Variants in ME1 observed in about 807,000 individuals in gnomAD.
ME1 encodes the protein malic enzyme 1.
In ME1, 74 loss-of-function variants were observed where a neutral mutation model predicts 66.4. The observed-to-expected ratio is 1.11, with a 90% CI of 0.92 to 1.35. The LOEUF is 1.35. Ranked by LOEUF, ME1 falls within the 40% of genes most tolerant of loss-of-function variation. ME1 has a pLI of 0.00. For synonymous variants in ME1, 251 were observed against 235.6 expected (o/e 1.07, Z -0.60); for missense variants, 750 against 694.1 (o/e 1.08, Z -0.90).
chr6:83,228,395 G>A (rs2128524011), intron 10 of ME1, among the ~76,000 whole-genome samples: 1 of 152,282 alleles, frequency 6.6e-6, no homozygotes, highest in Middle Eastern at 3.4e-3. Context: ...AGGATATTTA[G>A]TAGAATCATT....
At chr6:83,221,808 TA>T (rs1790096572) in intron 12 of ME1, among the ~76,000 whole-genome samples, 1 of 151,884 alleles carries the variant, frequency 6.6e-6, no homozygotes, top group African/African-American at 2.4e-5. Context: ...AACTCTTACT[TA>T]AAAGGGAGAT....
chr6:83,393,447 G>A, intron 3 of ME1: 1 of 569,222 alleles, frequency 1.8e-6, no homozygotes, highest in Non-Finnish European at 3.2e-6. Flanking sequence ...AGCACGACGG[G>A]AAGAGAGCGG....
At chr6:83,405,230 T>C (rs1769916979) in intron 2 of ME1, among the ~76,000 whole-genome samples, 1 of 152,206 alleles carries the variant, frequency 6.6e-6, no homozygotes, top group African/African-American at 2.4e-5. Flanking sequence ...ACATCCCTTG[T>C]TAGTTGTATT....
intron 6 of ME1, among the ~76,000 whole-genome samples, chr6:83,273,938 T>A (rs1767130508): frequency 6.6e-6 from 1 of 152,170 alleles, no homozygotes; most frequent in South Asian, 2.1e-4. Flanking sequence ...GAGTTTTCAG[T>A]GGAAACTGTT....
intron 3 of ME1, among the ~76,000 whole-genome samples, chr6:83,358,029 C>T (rs1768932748): frequency 2.4e-5 from 3 of 126,824 alleles, no homozygotes; most frequent in African/African-American, 6.0e-5. Context: ...TAGTTCTGTC[C>T]CTCTAGAGAA....
rs35069598 is a variant in ME1 at position 83,255,951 on chromosome 6, T to C, written c.705-2213A>G. Among the ~76,000 whole-genome samples the C allele has an allele frequency of 2.9e-3, 436 of 152,262 alleles. 1 individual carries two copies. The highest frequency in any genetic ancestry group is 4.1e-3 in the Admixed American group (63 of 15,280). On this transcript the variant is annotated intron_variant, in intron 6 of 13. Coordinates refer to ENST00000369705, the MANE Select transcript of ME1 (RefSeq NM_002395.6). ...AGTAATGATTAGTCTTACTAATCTA[T>C]CAAGAAAAAAATACCTCCCTGCTTT...
At chr6:83,287,932 G>A (rs1239368281) in intron 6 of ME1, among the ~76,000 whole-genome samples, 1 of 152,032 alleles carries the variant, frequency 6.6e-6, no homozygotes, top group Non-Finnish European at 1.5e-5. Flanking sequence ...TCATATGTCT[G>A]TTGGCTGCAT....
intron 6 of ME1, among the ~76,000 whole-genome samples, chr6:83,307,746 T>G (rs889619238): frequency 7.2e-5 from 11 of 151,944 alleles, no homozygotes. Flanking sequence ...AAAAAGACCC[T>G]TCCCTGTTGG....
chr6:83,292,383 T>C (rs1334874068), intron 6 of ME1, among the ~76,000 whole-genome samples: 1 of 152,296 alleles, frequency 6.6e-6, no homozygotes, highest in African/African-American at 2.4e-5. Context: ...GCCCCTCAGC[T>C]GCAGTTACTT....
intron 6 of ME1, among the ~76,000 whole-genome samples, chr6:83,312,549 T>C (rs1347721043): frequency 2.6e-5 from 4 of 151,932 alleles, no homozygotes; most frequent in African/African-American, 7.2e-5. Context: ...ATAGCATTGA[T>C]GGAGAAAGAG....
At chr6:83,413,859 A>G (rs1156799456) in intron 1 of ME1, among the ~76,000 whole-genome samples, 1 of 152,144 alleles carries the variant, frequency 6.6e-6, no homozygotes, top group Non-Finnish European at 1.5e-5. Context: ...CTGTAATCCC[A>G]GCACATTGGG....
At chr6:83,274,319 A>G (rs965044857) in intron 6 of ME1, among the ~76,000 whole-genome samples, 1 of 152,192 alleles carries the variant, frequency 6.6e-6, no homozygotes, top group African/African-American at 2.4e-5. Flanking sequence ...GATAGATGGA[A>G]AAAGTGAAGT....
intron 12 of ME1, among the ~76,000 whole-genome samples, chr6:83,221,876 G>C (rs1242956661): frequency 6.6e-5 from 10 of 152,130 alleles, no homozygotes; most frequent in African/African-American, 2.4e-4. Context: ...ATAAAAAACA[G>C]GAATATTGTG....
At chr6:83,227,856 C>T (rs558306897) in intron 10 of ME1, among the ~76,000 whole-genome samples, 29 of 152,268 alleles carry the variant, frequency 1.9e-4, no homozygotes, top group African/African-American at 6.3e-4. Context: ...TATAAACCAA[C>T]GCTATCACTT....
intron 6 of ME1, among the ~76,000 whole-genome samples, chr6:83,268,754 T>C (rs1326603036): frequency 1.9e-4 from 29 of 149,836 alleles, no homozygotes; most frequent in Admixed American, 1.9e-3. Flanking sequence ...TTATTATTAT[T>C]ATTATTATTG....
chr6:83,271,052 C>G (rs1390761056), intron 6 of ME1, among the ~76,000 whole-genome samples: 3 of 150,760 alleles, frequency 2.0e-5, no homozygotes, highest in African/African-American at 7.3e-5. Context: ...AACTAGAAAA[C>G]TGACACTACA....
rs115041033 is a variant in ME1 at position 83,277,395 on chromosome 6, T to C, written c.705-23657A>G. 9.1e-3 allele frequency among the ~76,000 whole-genome samples: 1,385 copies of C among 152,284 alleles called. 19 individuals are homozygous for C. Among genetic ancestry groups the C allele is most frequent in the African/African-American group, 0.031 (1,294 of 41,542 alleles). ...TTTAATTAGAACTAACCAGTAACTC[T>C]ACATTAGCAGAAAACACAACTGAAA... is the stretch of plus-strand genomic sequence containing the variant. On this transcript the variant is annotated intron_variant, in intron 6 of 13. Transcript: ENST00000369705.
chr6:83,221,076 C>T (rs1239203639), intron 12 of ME1, among the ~76,000 whole-genome samples: 1 of 151,276 alleles, frequency 6.6e-6, no homozygotes, highest in African/African-American at 2.4e-5. Context: ...AGGAGTATTG[C>T]TTGAACCAGG....
At chr6:83,221,867 T>C (rs1474065519) in intron 12 of ME1, among the ~76,000 whole-genome samples, 7 of 152,028 alleles carry the variant, frequency 4.6e-5, no homozygotes, top group African/African-American at 1.4e-4. Context: ...TTAGATGATA[T>C]AAAAAACAGG....
Sources: allele counts gnomAD v4.1 joint callset (sites outside exome capture counted in the v4.1 genomes callset), GRCh38; gene constraint gnomAD v4.1.1; transcripts MANE v1.5; gene names NCBI Gene and HGNC (gene_info 2026-07-23, HGNC 2026-07-21).